The following SLC39A10 variants were observed in gnomAD, a reference collection of about 807,000 sequenced individuals.
SLC39A10 encodes the protein solute carrier family 39 member 10.
In SLC39A10, 13 loss-of-function variants were observed where a neutral mutation model predicts 65.1. The observed-to-expected ratio is 0.20, with a 90% CI of 0.13 to 0.32. The LOEUF is 0.32. SLC39A10 is among the 10% of genes least tolerant of loss of function. SLC39A10 has a pLI of 1.00. For synonymous variants in SLC39A10, 321 were observed against 342.2 expected (o/e 0.94, Z 0.68); for missense variants, 831 against 1,018.4 (o/e 0.82, Z 2.50).
rs755300526 is a variant in SLC39A10 at position 195,734,978 on chromosome 2, A to G, written c.2433A>G (p.Gly811=). ...FILQNLGLLF[G]FAIMLVIALY... ...TTCAGAATTTAGGATTGCTCTTTGG[A>G]TTTGCCATTATGCTGGTGATTGCCC... Residue 811 remains glycine (G), a synonymous_variant, in exon 10 of 10, where the codon GGA becomes GGG. Coordinates refer to ENST00000359634, the MANE Select transcript of SLC39A10 (RefSeq NM_020342.3). 6.8e-6 allele frequency: 11 copies of G among 1,613,718 alleles called. No homozygotes were observed. The highest frequency in any genetic ancestry group is 7.6e-6 in the Non-Finnish European group (9 of 1,179,920).
At chr2:195,685,683 C>A (rs1195409414) in intron 3 of SLC39A10, among the ~76,000 whole-genome samples, 1 of 152,162 alleles carries the variant, frequency 6.6e-6, no homozygotes, top group African/African-American at 2.4e-5. Flanking sequence ...AACTTAGTGA[C>A]CATCCTAGGC....
intron 1 of SLC39A10, among the ~76,000 whole-genome samples, chr2:195,665,020 C>A (rs889947975): frequency 6.6e-6 from 1 of 152,006 alleles, no homozygotes; most frequent in African/African-American, 2.4e-5. Flanking sequence ...ACCATCTCGA[C>A]AAAAAATTTA....
upstream of SLC39A10, chr2:195,656,837 T>G (rs1344335363): frequency 6.6e-6 from 1 of 152,230 alleles, no homozygotes; most frequent in Non-Finnish European, 1.5e-5. Flanking sequence ...GCAACCGACG[T>G]TCGAAAGCCA....
At chr2:195,659,314 C>T (rs1011471048) in intron 1 of SLC39A10, among the ~76,000 whole-genome samples, 3 of 152,180 alleles carry the variant, frequency 2.0e-5, no homozygotes, top group Non-Finnish European at 2.9e-5. Context: ...CTAGTTCTTA[C>T]TGTTACCAAT....
At position 195,737,031 on chromosome 2, in the gene SLC39A10, A is replaced by AAAT. The variant is rs61671926; in HGVS notation, c.*1993_*1995dup. On this transcript the variant is annotated 3_prime_UTR_variant, in exon 10 of 10. Coordinates refer to ENST00000359634, the MANE Select transcript of SLC39A10 (RefSeq NM_020342.3). ...TAGCTGGAATATACTCCCAGTTTTA[A>AAAT]AATAAATGCCTGATTGATTTAAAGC... 508 of 34,666 alleles carry AAAT rather than the reference A, an allele frequency of 0.015. 5 individuals are homozygous for AAAT. The highest frequency in any genetic ancestry group is 0.034 in the African/African-American group (496 of 14,786). 2.1% of individuals were successfully genotyped at this position (34,666 alleles called of 1,614,324 possible). A position where few individuals can be genotyped will look rare whatever the true frequency, so the allele number is the denominator to read the frequency against.
At position 195,664,009 on chromosome 2, in the gene SLC39A10, T is replaced by C. The variant is rs371831517; in HGVS notation, c.-12+6728T>C. The stretch of plus-strand genomic sequence containing the variant: ...ATAATTGAATGTATATAACATCTTA[T>C]GAAAGCACATACAGTGTACATATAG... On this transcript the variant is annotated intron_variant, in intron 1 of 9. Transcript: ENST00000359634. Among the ~76,000 whole-genome samples, 6 of 152,152 alleles carry C rather than the reference T, an allele frequency of 3.9e-5. No individual in the cohort carries two copies. The South Asian group carries it at 8.3e-4, about 21-fold the overall frequency.
At chr2:195,718,987 T>A (rs1176262929) in intron 8 of SLC39A10, among the ~76,000 whole-genome samples, 1 of 151,960 alleles carries the variant, frequency 6.6e-6, no homozygotes, top group Non-Finnish European at 1.5e-5. Context: ...AGTATGTGTT[T>A]CTTATGTGAT....
chr2:195,637,524 A>C (rs1285686540), intron 2 of SLC39A10, among the ~76,000 whole-genome samples: 1 of 152,254 alleles, frequency 6.6e-6, no homozygotes, highest in Non-Finnish European at 1.5e-5. Flanking sequence ...ATGCAGTGAC[A>C]GTAAAGGGAG....
At chr2:195,654,085 A>G (rs1689098323), upstream of SLC39A10, among the ~76,000 whole-genome samples, 1 of 152,128 alleles carries the variant, frequency 6.6e-6, no homozygotes, top group Non-Finnish European at 1.5e-5. Context: ...GATAATAGGC[A>G]TGTGCCACCA....
chr2:195,682,003 G>A (rs1690343493), intron 2 of SLC39A10, among the ~76,000 whole-genome samples: 1 of 152,080 alleles, frequency 6.6e-6, no homozygotes, highest in Admixed American at 6.5e-5. Flanking sequence ...GACTTAGGAT[G>A]AATATAAAAA....
In SLC39A10 at chr2:195,680,249, G is replaced by A. The variant is rs750972980; in HGVS notation, c.207G>A (p.Glu69=). The A allele has an allele frequency of 1.1e-5, 18 of 1,613,648 alleles. No individual in the cohort carries two copies. The change falls in exon 2 of 10, where the codon GAG becomes GAA. Residue 69 remains glutamate (E), a synonymous_variant. Transcript: ENST00000359634. Reference sequence around the variant, plus strand: ...AATACTATATTGAAAAACTTTTTGAGCGTTATGGTGAAAATGGAAGATTAT... The same window carrying A: ...AATACTATATTGAAAAACTTTTTGAACGTTATGGTGAAAATGGAAGATTAT... ...EKKYYIEKLF[E]RYGENGRLSF...
At chr2:195,632,575 T>C (rs901105179) in intron 2 of SLC39A10, among the ~76,000 whole-genome samples, 1 of 152,190 alleles carries the variant, frequency 6.6e-6, no homozygotes, top group African/African-American at 2.4e-5. Context: ...CCCAAACTGC[T>C]GGGATTACAG....
rs192503027 is a variant in SLC39A10 at position 195,718,738 on chromosome 2, C to A, written c.2146+406C>A. On this transcript the variant is annotated intron_variant, in intron 8 of 9. Coordinates refer to ENST00000359634, the MANE Select transcript of SLC39A10 (RefSeq NM_020342.3). ...TGTAATTACATAATTGAAAGTTGTC[C>A]TAGATGTACCTAAGGCAGTCTTTCT... Among the ~76,000 whole-genome samples, 3 of 152,040 alleles carry A rather than the reference C, an allele frequency of 2.0e-5. No individual in the cohort carries two copies. In the East Asian group the frequency reaches 5.8e-4, roughly 29 times the overall value.
chr2:195,700,415 G>T (rs1374658262), intron 3 of SLC39A10, among the ~76,000 whole-genome samples: 1 of 152,010 alleles, frequency 6.6e-6, no homozygotes, highest in Non-Finnish European at 1.5e-5. Context: ...TGGTTATTAT[G>T]GGGATTACGT....
chr2:195,736,382 G>A lies in SLC39A10; in HGVS notation c.*1341G>A, dbSNP rs1006581786. On this transcript the variant is annotated 3_prime_UTR_variant, in exon 10 of 10. Transcript: ENST00000359634. Reference sequence around the variant, plus strand: ...TTTCTGTTTACATCCTATGCCACATGGTCTTCATTTATGCCAGGTAAACTG... The same window carrying A: ...TTTCTGTTTACATCCTATGCCACATAGTCTTCATTTATGCCAGGTAAACTG... 1.3e-4 allele frequency: 21 copies of A among 166,642 alleles called. No homozygotes were observed. Among genetic ancestry groups the A allele is most frequent in the African/African-American group, 4.6e-4 (19 of 41,440 alleles). The allele number at this position is 166,642 out of a possible 1,614,324, so 10.3% of individuals were successfully genotyped here.
chr2:195,658,664 C>T (rs775632317), intron 1 of SLC39A10: 1 of 152,292 alleles, frequency 6.6e-6, no homozygotes, highest in Middle Eastern at 3.4e-3. Context: ...AGTCAAGACT[C>T]CTGTGTATTG....
At position 195,728,442 on chromosome 2, in the gene SLC39A10, A is replaced by G. The variant is rs1436741930; in HGVS notation, c.2337+93A>G. The G allele has an allele frequency of 8.2e-7, 1 of 1,220,984 alleles. No individual in the cohort carries two copies. Among genetic ancestry groups the G allele is most frequent in the Non-Finnish European group, 1.1e-6 (1 of 871,526 alleles). The allele number at this position is 1,220,984 out of a possible 1,614,324, so 75.6% of individuals were successfully genotyped here. The stretch of plus-strand genomic sequence containing the variant: ...AAGCCAAACTATTTTTGAAAATATA[A>G]CTCATTTTAAAGACATAATATCCTA... On this transcript the variant is annotated intron_variant, in intron 9 of 9. Transcript: ENST00000359634. The surrounding 1 kb of genome is among the most constrained non-coding windows in gnomAD (Gnocchi z 4.4).
chr2:195,638,514 A>T (rs932435512), intron 2 of SLC39A10, among the ~76,000 whole-genome samples: 1 of 149,266 alleles, frequency 6.7e-6, no homozygotes, highest in African/African-American at 2.5e-5. Flanking sequence ...TAATTTTTGT[A>T]TTTTTTTTTA....
chr2:195,677,799 G>A (rs370172633), intron 1 of SLC39A10, among the ~76,000 whole-genome samples: 93 of 147,650 alleles, frequency 6.3e-4, no homozygotes, highest in African/African-American at 2.3e-3. Flanking sequence ...GCCCATGCTG[G>A]AGTGCAGTGG....
Sources: gnomAD v4.1 joint callset for allele counts (sites outside exome capture counted in the v4.1 genomes callset) on GRCh38, gnomAD v4.1.1 for gene constraint, Gnocchi (gnomAD v3.1) non-coding constraint, MANE v1.5 for transcripts, NCBI Gene and HGNC (gene_info 2026-07-23, HGNC 2026-07-21) for gene names.